Variants in DRAXIN observed in about 807,000 individuals in gnomAD.
DRAXIN encodes dorsal inhibitory axon guidance protein.
In DRAXIN, 27 loss-of-function variants were observed where a neutral mutation model predicts 33.9. That is an observed-to-expected ratio of 0.80 (90% CI 0.59 to 1.10). The LOEUF is 1.10. Among genes scored for constraint, DRAXIN ranks in the 50% least tolerant of loss-of-function variants. The pLI is 0.00. For missense variants in DRAXIN, 371 were observed against 460.8 expected (o/e 0.81, Z 1.78); for synonymous variants, 178 against 194.0 (o/e 0.92, Z 0.69).
intron 3 of DRAXIN, among the ~76,000 whole-genome samples, chr1:11,711,209 T>C (rs540531031): frequency 2.0e-5 from 3 of 152,352 alleles, no homozygotes; most frequent in African/African-American, 7.2e-5. Context: ...CTTGAGATTG[T>C]GATAAAAGCT....
intron 3 of DRAXIN, 42 bp downstream of exon 3, chr1:11,709,507 G>C (rs777029020): frequency 3.8e-6 from 6 of 1,575,754 alleles, no homozygotes; most frequent in Non-Finnish European, 5.2e-6. Context: ...AAGGGTCCTT[G>C]AGCCCATGTC....
rs1217631472 is a variant in DRAXIN at position 11,694,663 on chromosome 1, A to C, written c.-11+2810A>C. ...AGCATGTTCCTGGGGGGCAGGTCAT[A>C]GGAGCACCCCTGTTCTGGCCCAGTG... On this transcript the variant is annotated intron_variant, in intron 1 of 6. Transcript: ENST00000294485. This position sits in a 1 kb window ranked among gnomAD's most constrained non-coding sequence, Gnocchi z 4.9. Among the ~76,000 whole-genome samples the C allele has an allele frequency of 6.6e-6, 1 of 151,906 alleles. No homozygotes were observed. Among genetic ancestry groups the C allele is most frequent in the Non-Finnish European group, 1.5e-5 (1 of 67,950 alleles).
intron 6 of DRAXIN, among the ~76,000 whole-genome samples, chr1:11,716,487 A>C (rs1351282440): frequency 6.6e-6 from 1 of 152,168 alleles, no homozygotes; most frequent in Non-Finnish European, 1.5e-5. Flanking sequence ...TGGATGGGGG[A>C]ATTGGGGCTC....
intron 5 of DRAXIN, among the ~76,000 whole-genome samples, 192 bp from the exon 6 acceptor site, chr1:11,714,927 C>T (rs897526937): frequency 3.9e-5 from 6 of 152,248 alleles, no homozygotes; most frequent in Admixed American, 3.3e-4. Flanking sequence ...TCTCTGCCAC[C>T]GACCCTTGGG....
At chr1:11,689,625 G>A (rs1273658646), upstream of DRAXIN, among the ~76,000 whole-genome samples, 1 of 152,174 alleles carries the variant, frequency 6.6e-6, no homozygotes, top group Non-Finnish European at 1.5e-5. Context: ...GGGGAGGGGA[G>A]AAGCATGAAT....
rs540990670 is a variant in DRAXIN at position 11,694,557 on chromosome 1, G to C, written c.-11+2704G>C. ...TTAGCAGCTGTGGGACCCAGAGGGA[G>C]TTCCTTCACGTGTGTCGGCCAGGAA... is the stretch of plus-strand genomic sequence containing the variant. On this transcript the variant is annotated intron_variant, in intron 1 of 6. Transcript: ENST00000294485. This position sits in a 1 kb window ranked among gnomAD's most constrained non-coding sequence, Gnocchi z 4.9. Among the ~76,000 whole-genome samples the C allele has an allele frequency of 6.6e-6, 1 of 152,162 alleles. No individual in the cohort carries two copies. Among genetic ancestry groups the C allele is most frequent in the Non-Finnish European group, 1.5e-5 (1 of 68,030 alleles).
At chr1:11,700,248 T>A (rs1219575198) in intron 1 of DRAXIN, among the ~76,000 whole-genome samples, 1 of 152,066 alleles carries the variant, frequency 6.6e-6, no homozygotes, top group African/African-American at 2.4e-5. Flanking sequence ...TAAATAAATA[T>A]AAATAAAGTA....
intron 5 of DRAXIN, 127 bp downstream of exon 5, chr1:11,712,556 A>G: frequency 1.2e-6 from 1 of 865,400 alleles, no homozygotes; most frequent in South Asian, 1.5e-5. Flanking sequence ...AAATAATAAC[A>G]ACAGCTGCCA....
chr1:11,710,835 T>C (rs574317833), intron 3 of DRAXIN, among the ~76,000 whole-genome samples: 22 of 143,464 alleles, frequency 1.5e-4, no homozygotes, highest in Non-Finnish European at 1.8e-4. Flanking sequence ...AAGCAGAGAA[T>C]TGCTTGAACC....
Position 11,719,811 on chromosome 1 carries a change from GGC to G in DRAXIN, c.*116_*117del. The stretch of plus-strand genomic sequence containing the variant: ...ACAGATGGCTGAGGCTGCAGACTCA[GGC>G]CCAGGACACTCAACCCCAGGAGGGG... On this transcript the variant is annotated 3_prime_UTR_variant, in exon 7 of 7. Transcript: ENST00000294485. 3 of 979,730 alleles carry G rather than the reference GGC, an allele frequency of 3.1e-6. No homozygotes were observed. Among genetic ancestry groups the G allele is most frequent in the South Asian group, 1.5e-5 (1 of 66,950 alleles). 60.7% of individuals were successfully genotyped at this position (979,730 alleles called of 1,614,324 possible). A position where few individuals can be genotyped will look rare whatever the true frequency, so the allele number is the denominator to read the frequency against.
rs992132507 is a variant in DRAXIN at position 11,692,104 on chromosome 1, C to T, written c.-11+251C>T. ...CCCGGGCTCCCCATCCGTCCACCTA[C>T]CGCTGGACGCCCACTTTTCCACGCT... On this transcript the variant is annotated intron_variant, in intron 1 of 6. Transcript: ENST00000294485. This position sits in a 1 kb window ranked among gnomAD's most constrained non-coding sequence, Gnocchi z 5.8. Among the ~76,000 whole-genome samples the T allele has an allele frequency of 1.3e-5, 2 of 152,158 alleles. No homozygotes were observed. The highest frequency in any genetic ancestry group is 2.9e-5 in the Non-Finnish European group (2 of 68,008).
rs570103058 is a variant in DRAXIN at position 11,707,810 on chromosome 1, G to A, written c.451+1101G>A. Reference sequence around the variant, plus strand: ...CCCCTCCCCGTGCCCATTCAGTCTCGGAGTAGACATGTCCCCTCAGCTCCA... The same window carrying A: ...CCCCTCCCCGTGCCCATTCAGTCTCAGAGTAGACATGTCCCCTCAGCTCCA... On this transcript the variant is annotated intron_variant, in intron 2 of 6. Coordinates refer to ENST00000294485, the MANE Select transcript of DRAXIN (RefSeq NM_198545.4). Among the ~76,000 whole-genome samples, 14 of 152,248 alleles carry A rather than the reference G, an allele frequency of 9.2e-5. No individual in the cohort carries two copies. In the East Asian group the frequency reaches 2.3e-3, roughly 25 times the overall value.
rs1306645234 is a variant in DRAXIN, at chr1:11,705,011, G to A, written c.-10-1238G>A. On this transcript the variant is annotated intron_variant, in intron 1 of 6. Transcript: ENST00000294485. The surrounding 1 kb of genome is among the most constrained non-coding windows in gnomAD (Gnocchi z 4.8). ...TGCCCTACCACCCTCCCTCGGGGTC[G>A]GGGCTAAGGTGACACTGGGGTGGGC... Among the ~76,000 whole-genome samples, 4 of 152,180 alleles carry A rather than the reference G, an allele frequency of 2.6e-5. No individual in the cohort carries two copies. Among genetic ancestry groups the A allele is most frequent in the Non-Finnish European group, 5.9e-5 (4 of 68,036 alleles).
intron 1 of DRAXIN, among the ~76,000 whole-genome samples, chr1:11,702,564 ACACT>A (rs564742629): frequency 9.7e-4 from 146 of 151,006 alleles, no homozygotes; most frequent in African/African-American, 3.3e-3. Context: ...ACACTCCCAC[ACACT>A]CACTACACAC....
In DRAXIN at chr1:11,700,179, G is replaced by A. The variant is rs992087645; in HGVS notation, c.-10-6070G>A. Among the ~76,000 whole-genome samples, 6 of 151,852 alleles carry A rather than the reference G, an allele frequency of 4.0e-5. No homozygotes were observed. The East Asian group carries it at 5.8e-4, about 15-fold the overall frequency. On this transcript the variant is annotated intron_variant, in intron 1 of 6. Transcript: ENST00000294485. ...CGGGAGACGGAGGTTGCAGTGAGCCGAGATTGTGCCACTGCACTCCAGCCT... is the reference window on the plus strand; with the variant it reads ...CGGGAGACGGAGGTTGCAGTGAGCCAAGATTGTGCCACTGCACTCCAGCCT...
At chr1:11,715,968 T>C (rs1641571794) in intron 6 of DRAXIN, among the ~76,000 whole-genome samples, 1 of 152,130 alleles carries the variant, frequency 6.6e-6, no homozygotes, top group African/African-American at 2.4e-5. Flanking sequence ...TTCCCAGGCT[T>C]AGGTGATCCT....
upstream of DRAXIN, among the ~76,000 whole-genome samples, chr1:11,689,317 G>GAAAAAAAAAC (rs1641020216): frequency 7.8e-6 from 1 of 127,768 alleles, no homozygotes; most frequent in African/African-American, 2.9e-5. Context: ...AAAAAAAAAG[G>GAAAAAAAAAC]CTGGGTGCTG....
At chr1:11,708,925 TC>T (rs1290843448) in intron 2 of DRAXIN, among the ~76,000 whole-genome samples, 2 of 152,132 alleles carry the variant, frequency 1.3e-5, no homozygotes, top group African/African-American at 2.4e-5. Flanking sequence ...AAACTTCACC[TC>T]CTCCAGGAAG....
upstream of DRAXIN, among the ~76,000 whole-genome samples, chr1:11,687,547 TA>T (rs1640980862): frequency 6.6e-6 from 1 of 151,988 alleles, no homozygotes; most frequent in South Asian, 2.1e-4. The surrounding 1 kb of genome is among the most constrained non-coding windows in gnomAD (Gnocchi z 4.1). Flanking sequence ...GACTAATTTT[TA>T]AAATTTTCTG....
Sources: allele counts gnomAD v4.1 joint callset (sites outside exome capture counted in the v4.1 genomes callset), GRCh38; gene constraint gnomAD v4.1.1; non-coding constraint Gnocchi (gnomAD v3.1); transcripts MANE v1.5; gene names NCBI Gene and HGNC (gene_info 2026-07-23, HGNC 2026-07-21).